ADAM10: variants seen among roughly 807,000 people sequenced by gnomAD.
ADAM10 encodes disintegrin and metalloproteinase domain-containing protein 10.
A neutral mutation model predicts 90.1 loss-of-function variants in ADAM10; 17 were observed. The observed-to-expected ratio is 0.19, with a 90% CI of 0.13 to 0.28. The LOEUF is 0.28. ADAM10 is among the 10% of genes least tolerant of loss of function. The pLI is 1.00. For synonymous variants in ADAM10, 310 were observed against 298.6 expected, an observed-to-expected ratio of 1.04 and a Z score of -0.40; for missense variants, 610 against 914.3, an observed-to-expected ratio of 0.67 and a Z score of 4.29.
chr15:58,717,006 T>A (rs868820078), intron 2 of ADAM10, among the ~76,000 whole-genome samples: 1 of 152,156 alleles, frequency 6.6e-6, no homozygotes, highest in South Asian at 2.1e-4. Context: ...TATTTACCTC[T>A]GTCTGGATGT....
chr15:58,702,105 CAAA>C (rs1196874797), intron 2 of ADAM10, among the ~76,000 whole-genome samples: 16 of 150,214 alleles, frequency 1.1e-4, no homozygotes, highest in African/African-American at 3.9e-4. Flanking sequence ...GATTCTGTCT[CAAA>C]AAAAAGAAAA....
At chr15:58,722,691 G>A (rs1309852622) in intron 1 of ADAM10, among the ~76,000 whole-genome samples, 1 of 150,718 alleles carries the variant, frequency 6.6e-6, no homozygotes, top group Non-Finnish European at 1.5e-5. Flanking sequence ...ACACCACCAT[G>A]GAAACTGACA....
chr15:58,729,105 C>T (rs1478276259), intron 1 of ADAM10, among the ~76,000 whole-genome samples: 1 of 152,096 alleles, frequency 6.6e-6, no homozygotes, highest in African/African-American at 2.4e-5. Flanking sequence ...CACATGTAAT[C>T]CCAGCACTTT....
intron 1 of ADAM10, among the ~76,000 whole-genome samples, chr15:58,735,139 T>C (rs1338177115): frequency 1.3e-5 from 2 of 152,212 alleles, no homozygotes; most frequent in Non-Finnish European, 2.9e-5. Flanking sequence ...TGAACACAGC[T>C]TGGCCTCTGA....
intron 5 of ADAM10, among the ~76,000 whole-genome samples, chr15:58,654,968 C>T (rs1265799370): frequency 6.6e-6 from 1 of 152,150 alleles, no homozygotes; most frequent in Non-Finnish European, 1.5e-5. Flanking sequence ...GTGTATTCTG[C>T]AGCCATTGGA....
At chr15:58,737,805 TAAAGA>T (rs1461224943) in intron 1 of ADAM10, among the ~76,000 whole-genome samples, 1 of 152,004 alleles carries the variant, frequency 6.6e-6, no homozygotes, top group African/African-American at 2.4e-5. Context: ...TCTACTAAAT[TAAAGA>T]ATTGTGCAAA....
intron 14 of ADAM10, among the ~76,000 whole-genome samples, chr15:58,606,179 T>C (rs1296607956): frequency 6.6e-6 from 1 of 152,204 alleles, no homozygotes; most frequent in African/African-American, 2.4e-5. Context: ...ATACTGATTA[T>C]GTCATCCCTA....
intron 2 of ADAM10, chr15:58,692,977 T>A: frequency 1.3e-6 from 1 of 760,756 alleles, no homozygotes; most frequent in Non-Finnish European, 2.4e-6. Flanking sequence ...GGGGATGATG[T>A]CAATTTTCAG....
intron 10 of ADAM10, among the ~76,000 whole-genome samples, chr15:58,627,054 G>C (rs576706920): frequency 1.6e-4 from 25 of 152,210 alleles, no homozygotes; most frequent in African/African-American, 5.8e-4. Context: ...ATTCATGATA[G>C]GAGAGTAGAT....
At position 58,737,174 on chromosome 15, in the gene ADAM10, T is replaced by C. The variant is rs554859265; in HGVS notation, c.55+12306A>G. On this transcript the variant is annotated intron_variant, in intron 1 of 15. Coordinates refer to ENST00000260408, the MANE Select transcript of ADAM10 (RefSeq NM_001110.4). ...TACTGGTATTTACCAATCCGCCTTT[T>C]AAAAAATTATTTTTCCTAATCACAG... Among the ~76,000 whole-genome samples, 9 of 152,274 alleles carry C rather than the reference T, an allele frequency of 5.9e-5. No individual in the cohort carries two copies. In the South Asian group the frequency reaches 1.9e-3, roughly 32 times the overall value.
intron 1 of ADAM10, among the ~76,000 whole-genome samples, chr15:58,730,149 C>T (rs1157019648): frequency 1.3e-5 from 2 of 152,114 alleles, no homozygotes; most frequent in African/African-American, 4.8e-5. Context: ...ACCTGTATAT[C>T]CTTATTTCTA....
chr15:58,706,831 A>G (rs1898305538), intron 2 of ADAM10, among the ~76,000 whole-genome samples: 1 of 152,066 alleles, frequency 6.6e-6, no homozygotes, highest in South Asian at 2.1e-4. Context: ...CAACATGGGG[A>G]AACCCCACCT....
intron 2 of ADAM10, among the ~76,000 whole-genome samples, chr15:58,698,097 G>A (rs540741701): frequency 1.3e-5 from 2 of 152,036 alleles, no homozygotes; most frequent in Non-Finnish European, 1.5e-5. Context: ...AAGGACCCAA[G>A]AAACATGATA....
chr15:58,673,750 T>TTC (rs1227284901), intron 4 of ADAM10, among the ~76,000 whole-genome samples: 1 of 151,798 alleles, frequency 6.6e-6, no homozygotes, highest in African/African-American at 2.4e-5. Context: ...TTTTTTTTTT[T>TTC]CTGAGACAGA....
intron 5 of ADAM10, among the ~76,000 whole-genome samples, chr15:58,655,715 A>ATAGTGTGTGTG (rs1566982375): frequency 1.5e-5 from 1 of 65,180 alleles, no homozygotes; most frequent in African/African-American, 6.7e-5. Flanking sequence ...TATATAGTAT[A>ATAGTGTGTGTG]TATATATATA....
intron 2 of ADAM10, among the ~76,000 whole-genome samples, chr15:58,711,378 T>C (rs1341181590): frequency 2.6e-5 from 4 of 152,194 alleles, no homozygotes; most frequent in Non-Finnish European, 4.4e-5. Context: ...TTTTAAAGCA[T>C]AAAGGAGCTT....
intron 11 of ADAM10, among the ~76,000 whole-genome samples, chr15:58,614,442 A>T (rs1895544663): frequency 6.6e-6 from 1 of 152,236 alleles, no homozygotes; most frequent in Non-Finnish European, 1.5e-5. Flanking sequence ...GAAAGTATCA[A>T]GTCACATATA....
Position 58,717,504 on chromosome 15 carries a change from G to T in ADAM10, c.206+73C>A. 4.4e-6 allele frequency: 7 copies of T among 1,583,788 alleles called. 1 individual carries two copies. In the South Asian group the frequency reaches 7.8e-5, roughly 18 times the overall value. ...CTTGCATTAGAGAAGGAAAATTAAG[G>T]ATATAAATCTCCTCTTTAACTTAGA... On this transcript the variant is annotated intron_variant, in intron 2 of 15. Coordinates refer to ENST00000260408, the MANE Select transcript of ADAM10 (RefSeq NM_001110.4).
At chr15:58,622,736 G>A (rs556974671) in intron 10 of ADAM10, among the ~76,000 whole-genome samples, 3 of 152,296 alleles carry the variant, frequency 2.0e-5, no homozygotes, top group African/African-American at 7.2e-5. Context: ...TTCTTCAGCA[G>A]TCTTCTAAAG....
Sources: gnomAD v4.1 joint callset for allele counts (sites outside exome capture counted in the v4.1 genomes callset) on GRCh38, gnomAD v4.1.1 for gene constraint, MANE v1.5 for transcripts, NCBI Gene and HGNC (gene_info 2026-07-23, HGNC 2026-07-21) for gene names.